HS6ST2: variants seen among roughly 807,000 people sequenced by gnomAD.
The protein encoded by HS6ST2 is heparan sulfate 6-O-sulfotransferase 2, also known as heparan-sulfate 6-O-sulfotransferase 2.
A neutral mutation model predicts 33.0 loss-of-function variants in HS6ST2; 17 were observed. That is an observed-to-expected ratio of 0.52 (90% CI 0.35 to 0.77). The LOEUF is 0.77. Among genes scored for constraint, HS6ST2 ranks in the 30% least tolerant of loss-of-function variants. HS6ST2 has a pLI of 0.01. For missense variants in HS6ST2, 519 were observed against 551.7 expected (o/e 0.94, Z 0.59); for synonymous variants, 248 against 237.1 (o/e 1.05, Z -0.42).
intron 2 of HS6ST2, among the ~76,000 whole-genome samples, chrX:132,872,470 A>T (rs2148431568): frequency 8.9e-6 from 1 of 111,975 alleles, no homozygotes; most frequent in Non-Finnish European, 1.9e-5. Context: ...GAAGTGACTT[A>T]CCAAAGGTCA....
At chrX:132,795,548 A>G (rs1221434797) in intron 2 of HS6ST2, among the ~76,000 whole-genome samples, 1 of 111,740 alleles carries the variant, frequency 8.9e-6, no homozygotes, top group African/African-American at 3.2e-5. Context: ...ATTTACATGT[A>G]CTTTTCTTCA....
chrX:132,825,317 A>G (rs973814255), intron 2 of HS6ST2, among the ~76,000 whole-genome samples: 3 of 111,856 alleles, frequency 2.7e-5, no homozygotes, highest in Non-Finnish European at 5.6e-5. Context: ...ACTTCAGTCA[A>G]CTTTCAGGGG....
At chrX:132,780,054 G>A (rs895573212) in intron 2 of HS6ST2, among the ~76,000 whole-genome samples, 1 of 110,907 alleles carries the variant, frequency 9.0e-6, no homozygotes, top group African/African-American at 3.3e-5. Context: ...CCTTACGGGG[G>A]AGGCATCAGA....
chrX:132,821,385 T>C (rs1473336051), intron 2 of HS6ST2, among the ~76,000 whole-genome samples: 3 of 109,663 alleles, frequency 2.7e-5, no homozygotes, highest in Non-Finnish European at 5.7e-5. Context: ...GCTAATTTTT[T>C]GTATTTTTAG....
At chrX:132,937,073 C>A (rs2066831451) in intron 2 of HS6ST2, among the ~76,000 whole-genome samples, 1 of 111,034 alleles carries the variant, frequency 9.0e-6, no homozygotes, top group South Asian at 3.8e-4. Context: ...CATTAACAAA[C>A]TAGCTGAAAA....
chrX:132,771,533 C>T (rs1286203611), intron 2 of HS6ST2, among the ~76,000 whole-genome samples: 9 of 111,415 alleles, frequency 8.1e-5, no homozygotes. Context: ...TTGAAACCCC[C>T]CTTTGTGTTC....
chrX:132,724,385 T>C (rs1013701526), intron 2 of HS6ST2, among the ~76,000 whole-genome samples: 3 of 111,225 alleles, frequency 2.7e-5, no homozygotes, highest in African/African-American at 6.5e-5. Context: ...AAAAAAGAAA[T>C]TTAAAAAGTA....
At chrX:132,698,749 A>G (rs2064121376) in intron 3 of HS6ST2, among the ~76,000 whole-genome samples, 1 of 111,332 alleles carries the variant, frequency 9.0e-6, no homozygotes, top group Admixed American at 9.5e-5. Context: ...CCTATCTAGC[A>G]CTCCACTTAA....
intron 2 of HS6ST2, among the ~76,000 whole-genome samples, chrX:132,719,571 A>G (rs1188578435): frequency 1.8e-5 from 2 of 111,953 alleles, no homozygotes; most frequent in Non-Finnish European, 3.8e-5. Context: ...TAAGACATAA[A>G]GAATGGGACT....
intron 2 of HS6ST2, among the ~76,000 whole-genome samples, chrX:132,804,144 A>G (rs757886662): frequency 2.4e-4 from 27 of 112,486 alleles, no homozygotes; most frequent in Non-Finnish European, 4.3e-4. Context: ...GTGTGACTCC[A>G]GTGAATAAAT....
chrX:132,876,528 T>C (rs1320684651), intron 2 of HS6ST2, among the ~76,000 whole-genome samples: 2 of 111,748 alleles, frequency 1.8e-5, no homozygotes, highest in Non-Finnish European at 3.8e-5. Context: ...CTTTATTGCC[T>C]TTGGTCCCAG....
chrX:132,812,047 A>T (rs1439195394), intron 2 of HS6ST2, among the ~76,000 whole-genome samples: 1 of 109,305 alleles, frequency 9.1e-6, no homozygotes, highest in Non-Finnish European at 1.9e-5. Flanking sequence ...TATTCCCACC[A>T]GCAGTGCACA....
chrX:132,832,921 T>G (rs960573857), intron 2 of HS6ST2, among the ~76,000 whole-genome samples: 1 of 111,637 alleles, frequency 9.0e-6, no homozygotes, highest in African/African-American at 3.3e-5. Flanking sequence ...TTGTAACATT[T>G]TCATCACTCC....
intron 2 of HS6ST2, among the ~76,000 whole-genome samples, chrX:132,829,558 C>A (rs1438402127): frequency 9.1e-6 from 1 of 110,361 alleles, no homozygotes; most frequent in African/African-American, 3.3e-5. Context: ...TTAACTGTAC[C>A]CATGTACAGG....
At chrX:132,720,344 T>G (rs1176174835) in intron 2 of HS6ST2, among the ~76,000 whole-genome samples, 1 of 111,257 alleles carries the variant, frequency 9.0e-6, no homozygotes, top group Non-Finnish European at 1.9e-5. Flanking sequence ...AATCGAATCC[T>G]AGTTTCCCAC....
intron 2 of HS6ST2, among the ~76,000 whole-genome samples, chrX:132,736,076 C>A (rs1311002345): frequency 9.0e-6 from 1 of 110,755 alleles, no homozygotes; most frequent in African/African-American, 3.3e-5. Context: ...AACTCCTGAC[C>A]TCAAGTGATC....
intron 2 of HS6ST2, among the ~76,000 whole-genome samples, chrX:132,710,156 G>A (rs1284170184): frequency 1.8e-5 from 2 of 111,126 alleles, no homozygotes; most frequent in Non-Finnish European, 3.8e-5. Flanking sequence ...AGCCCAGGTG[G>A]GAAGAGGTGG....
chrX:132,753,250 G>A (rs951912417), intron 2 of HS6ST2, among the ~76,000 whole-genome samples: 1 of 111,943 alleles, frequency 8.9e-6, no homozygotes, highest in Non-Finnish European at 1.9e-5. Context: ...CAGAAGCCAA[G>A]GAATGTAATT....
chrX:132,916,877 A>T (rs1252393960), intron 2 of HS6ST2, among the ~76,000 whole-genome samples: 1 of 111,648 alleles, frequency 9.0e-6, no homozygotes, highest in Non-Finnish European at 1.9e-5. Flanking sequence ...CTATCGTGGG[A>T]CTTCACCTCG....
Sources: gnomAD v4.1 joint callset for allele counts (sites outside exome capture counted in the v4.1 genomes callset) on GRCh38, gnomAD v4.1.1 for gene constraint, MANE v1.5 for transcripts, NCBI Gene and HGNC (gene_info 2026-07-23, HGNC 2026-07-21) for gene names.